Variants in STK32A observed in about 807,000 individuals in gnomAD.
STK32A encodes serine/threonine kinase 32A, also known as serine/threonine-protein kinase 32A.
Under a neutral mutation model 53.2 loss-of-function variants are expected in STK32A, and 41 were observed. The observed-to-expected ratio is 0.77, with a 90% confidence interval of 0.60 to 1.00. The LOEUF is 1.00. Ranked by LOEUF, STK32A falls within the 50% of genes least tolerant of loss-of-function variation. The pLI is 0.00. For synonymous variants in STK32A, 166 were observed against 162.8 expected (o/e 1.02, Z -0.15); for missense variants, 458 against 485.8 (o/e 0.94, Z 0.54).
intron 4 of STK32A, among the ~76,000 whole-genome samples, chr5:147,321,806 T>A (rs954789887): frequency 2.0e-5 from 3 of 152,226 alleles, no homozygotes; most frequent in African/African-American, 7.2e-5. Context: ...CTGCTCTGTA[T>A]GCTAACCCGG....
At chr5:147,376,544 AG>A (rs1238986772) in intron 11 of STK32A, among the ~76,000 whole-genome samples, 4 of 152,184 alleles carry the variant, frequency 2.6e-5, no homozygotes, top group Non-Finnish European at 2.9e-5. Flanking sequence ...TGAGCAATTT[AG>A]GAATAACTTT....
At chr5:147,362,956 C>A (rs567979614) in intron 8 of STK32A, among the ~76,000 whole-genome samples, 24 of 151,542 alleles carry the variant, frequency 1.6e-4, no homozygotes, top group African/African-American at 5.8e-4. Context: ...CATGGTGGGG[C>A]AAGCCAGTGG....
intron 2 of STK32A, among the ~76,000 whole-genome samples, chr5:147,260,348 C>T (rs2151946573): frequency 6.6e-6 from 1 of 151,696 alleles, no homozygotes; most frequent in Non-Finnish European, 1.5e-5. Flanking sequence ...CACTCTCTCT[C>T]TCTGCTGGTC....
intron 4 of STK32A, among the ~76,000 whole-genome samples, chr5:147,280,346 C>T (rs1036450590): frequency 4.8e-4 from 65 of 134,784 alleles, no homozygotes; most frequent in African/African-American, 1.7e-3. Context: ...AGCGGGGAGC[C>T]TGGGGCAGGT....
At chr5:147,353,303 A>C (rs1185520784) in intron 7 of STK32A, among the ~76,000 whole-genome samples, 1 of 152,232 alleles carries the variant, frequency 6.6e-6, no homozygotes, top group Non-Finnish European at 1.5e-5. Flanking sequence ...ATAGTTTTAA[A>C]ATTCACAGAA....
In STK32A at chr5:147,235,199, G is replaced by C. The variant is rs1175944014; in HGVS notation, c.-97G>C. On this transcript the variant is annotated splice_region_variant and 5_prime_UTR_variant, in exon 1 of 13. Transcript: ENST00000397936. Reference sequence around the variant, plus strand: ...AGGAATGAAGGAAGAATCGAGACTAGGTGAGTGGTGGTCTAGATTTAACGA... The same window carrying C: ...AGGAATGAAGGAAGAATCGAGACTACGTGAGTGGTGGTCTAGATTTAACGA... 1.3e-5 allele frequency: 2 copies of C among 152,390 alleles called. No individual in the cohort carries two copies. Among genetic ancestry groups the C allele is most frequent in the Admixed American group, 6.5e-5 (1 of 15,292 alleles). 9.4% of individuals were successfully genotyped at this position (152,390 alleles called of 1,614,324 possible). A position where few individuals can be genotyped will look rare whatever the true frequency, so the allele number is the denominator to read the frequency against.
intron 4 of STK32A, among the ~76,000 whole-genome samples, chr5:147,293,279 A>G (rs547457962): frequency 6.6e-6 from 1 of 152,188 alleles, no homozygotes; most frequent in Non-Finnish European, 1.5e-5. Flanking sequence ...ATACCAAAAC[A>G]TATTGGAACT....
At chr5:147,289,661 GTA>G (rs571183059) in intron 4 of STK32A, among the ~76,000 whole-genome samples, 1 of 151,512 alleles carries the variant, frequency 6.6e-6, no homozygotes, top group Admixed American at 6.6e-5. Flanking sequence ...ATATGTGTGT[GTA>G]TATATATATG....
intron 2 of STK32A, among the ~76,000 whole-genome samples, chr5:147,274,297 G>A (rs1186743615): frequency 2.0e-5 from 3 of 152,146 alleles, no homozygotes; most frequent in African/African-American, 4.8e-5. Flanking sequence ...GCCCAGCCCT[G>A]TCAGCATGAG....
chr5:147,357,497 GA>G (rs1354538338), intron 7 of STK32A, among the ~76,000 whole-genome samples: 3 of 151,712 alleles, frequency 2.0e-5, no homozygotes, highest in Non-Finnish European at 4.4e-5. Context: ...TATATATTTG[GA>G]ATATGAAATC....
At chr5:147,316,100 T>C (rs1753979160) in intron 4 of STK32A, among the ~76,000 whole-genome samples, 1 of 152,180 alleles carries the variant, frequency 6.6e-6, no homozygotes, top group African/African-American at 2.4e-5. Context: ...AGTAATGGCA[T>C]TGTTGGGGGT....
chr5:147,314,506 AC>A (rs772714149), intron 4 of STK32A, among the ~76,000 whole-genome samples: 22,747 of 49,202 alleles, frequency 0.46, 4,109 homozygotes, highest in African/African-American at 0.51. Flanking sequence ...ATCAAAAAAA[AC>A]AAAAAAAAAC....
rs554919111 is a variant in STK32A, at chr5:147,344,363, C to T, written c.472+1320C>T. ...CAAAAAGATTTTTTCCACTTTCTTC[C>T]AATGCCTTATTTCTTCCTTACCTTT... On this transcript the variant is annotated intron_variant, in intron 6 of 12. Transcript: ENST00000397936. Among the ~76,000 whole-genome samples the T allele has an allele frequency of 4.6e-5, 7 of 152,268 alleles. No homozygotes were observed. In the South Asian group the frequency reaches 1.5e-3, roughly 32 times the overall value.
chr5:147,319,814 A>G (rs1165390177), intron 4 of STK32A, among the ~76,000 whole-genome samples: 1 of 152,134 alleles, frequency 6.6e-6, no homozygotes, highest in Non-Finnish European at 1.5e-5. Flanking sequence ...GAACTGTTCT[A>G]TCATTTTAGG....
At chr5:147,394,873 TAA>T in the STK32A span, among the ~76,000 whole-genome samples, 1 of 152,238 alleles carries the variant, frequency 6.6e-6, no homozygotes, top group Admixed American at 6.5e-5. Flanking sequence ...ATTTTACCTT[TAA>T]ATGTCTTTCT....
intron 2 of STK32A, among the ~76,000 whole-genome samples, chr5:147,245,452 T>C (rs1210107828): frequency 6.6e-6 from 1 of 152,256 alleles, no homozygotes; most frequent in Non-Finnish European, 1.5e-5. Context: ...CTGAATGCAC[T>C]AGATTTTGTT....
chr5:147,283,995 C>T (rs1820274), intron 4 of STK32A, among the ~76,000 whole-genome samples: 99,848 of 151,926 alleles, frequency 0.66, 33,152 homozygotes, highest in Admixed American at 0.76. Flanking sequence ...ACCAATATCA[C>T]TGATGAACAC....
At chr5:147,250,249 T>C (rs1371674604) in intron 2 of STK32A, among the ~76,000 whole-genome samples, 1 of 152,108 alleles carries the variant, frequency 6.6e-6, no homozygotes, top group African/African-American at 2.4e-5. Context: ...GACAGCTAAA[T>C]GATGGTGCCA....
chr5:147,283,225 T>C (rs1306848622), intron 4 of STK32A, among the ~76,000 whole-genome samples: 2 of 151,966 alleles, frequency 1.3e-5, no homozygotes, highest in Non-Finnish European at 2.9e-5. Context: ...AGATGAAAAT[T>C]TAAAAATTCT....
Sources: gnomAD v4.1 joint callset for allele counts (sites outside exome capture counted in the v4.1 genomes callset) on GRCh38, gnomAD v4.1.1 for gene constraint, MANE v1.5 for transcripts, NCBI Gene and HGNC (gene_info 2026-07-23, HGNC 2026-07-21) for gene names.